Variants in SCHIP1 observed in about 807,000 individuals in gnomAD.
SCHIP1 encodes the protein schwannomin-interacting protein 1.
SCHIP1 carries 8 observed loss-of-function variants against 29.7 expected under a neutral mutation model. That is an observed-to-expected ratio of 0.27 (90% CI 0.16 to 0.49). The LOEUF (loss-of-function observed/expected upper bound fraction) is 0.49. Ranked by LOEUF, SCHIP1 falls within the 20% of genes least tolerant of loss-of-function variation. The pLI is 0.99. For missense variants in SCHIP1, 193 were observed against 294.6 expected, an observed-to-expected ratio of 0.66 and a Z score of 2.52; for synonymous variants, 76 against 94.9, an observed-to-expected ratio of 0.80 and a Z score of 1.16.
chr3:159,848,422 A>G (rs941868709), intron 1 of SCHIP1, among the ~76,000 whole-genome samples: 1 of 152,212 alleles, frequency 6.6e-6, no homozygotes, highest in African/African-American at 2.4e-5. Context: ...ATCAGGCATT[A>G]CATTCAGCTC....
chr3:159,298,152 A>G, the SCHIP1 span, among the ~76,000 whole-genome samples: 1 of 152,206 alleles, frequency 6.6e-6, no homozygotes, highest in Non-Finnish European at 1.5e-5. Flanking sequence ...AGAAAAGACC[A>G]TTCTACAGCT....
the SCHIP1 span, among the ~76,000 whole-genome samples, chr3:159,559,232 G>T: frequency 7.9e-5 from 12 of 152,228 alleles, no homozygotes; most frequent in Admixed American, 3.3e-4. Flanking sequence ...GGCTGCTTGG[G>T]TCTCTAATTT....
chr3:159,405,880 CA>C, the SCHIP1 span, among the ~76,000 whole-genome samples: 11,260 of 75,142 alleles, frequency 0.15, 1,091 homozygotes, highest in African/African-American at 0.36. Flanking sequence ...GAGACTCTGT[CA>C]AAAAAAAAAA....
the SCHIP1 span, among the ~76,000 whole-genome samples, chr3:159,321,410 T>G: frequency 1.3e-5 from 2 of 152,238 alleles, no homozygotes; most frequent in Admixed American, 6.5e-5. Flanking sequence ...TAAATACTTC[T>G]GATATTCCAG....
At chr3:159,460,579 G>A in the SCHIP1 span, among the ~76,000 whole-genome samples, 1 of 152,186 alleles carries the variant, frequency 6.6e-6, no homozygotes, top group Non-Finnish European at 1.5e-5. Flanking sequence ...ATCTGGTAAG[G>A]TAATCAACAT....
the SCHIP1 span, among the ~76,000 whole-genome samples, chr3:159,342,834 G>C: frequency 5.3e-5 from 8 of 152,034 alleles, no homozygotes; most frequent in African/African-American, 1.9e-4. Flanking sequence ...ATAATTATTT[G>C]GGATGAAAAT....
At chr3:159,853,472 C>G in intron 1 of SCHIP1, 1 of 689,800 alleles carries the variant, frequency 1.4e-6, no homozygotes, top group South Asian at 1.5e-5. Flanking sequence ...GGGGGGAGAG[C>G]TCTTTTGTTT....
At chr3:159,458,046 T>C in the SCHIP1 span, among the ~76,000 whole-genome samples, 2 of 152,342 alleles carry the variant, frequency 1.3e-5, no homozygotes, top group South Asian at 4.1e-4. Flanking sequence ...CTTTTGAGAA[T>C]GTCTTCTGTG....
the SCHIP1 span, among the ~76,000 whole-genome samples, chr3:159,536,983 A>G: frequency 6.6e-6 from 1 of 152,130 alleles, no homozygotes. Context: ...TCCCAACTCC[A>G]TGTTTAATAA....
At chr3:159,603,224 A>G in the SCHIP1 span, among the ~76,000 whole-genome samples, 1 of 152,230 alleles carries the variant, frequency 6.6e-6, no homozygotes, top group Admixed American at 6.5e-5. Context: ...GGGAAACGAC[A>G]CAGAGCTTCC....
chr3:159,589,694 G>A, the SCHIP1 span, among the ~76,000 whole-genome samples: 3 of 152,116 alleles, frequency 2.0e-5, no homozygotes, highest in Admixed American at 2.0e-4. Context: ...ACAGGCTTTG[G>A]CAGAAATTTC....
At chr3:159,574,988 C>T in the SCHIP1 span, among the ~76,000 whole-genome samples, 5 of 152,172 alleles carry the variant, frequency 3.3e-5, no homozygotes, top group African/African-American at 9.7e-5. Flanking sequence ...AGGAGTGTCC[C>T]GTTTTTCCAG....
chr3:159,385,979 AATG>A, the SCHIP1 span, among the ~76,000 whole-genome samples: 1 of 152,108 alleles, frequency 6.6e-6, no homozygotes. Context: ...GTTTGCTGAG[AATG>A]ATGGTTTCCA....
At chr3:159,345,772 G>A in the SCHIP1 span, among the ~76,000 whole-genome samples, 49 of 152,278 alleles carry the variant, frequency 3.2e-4, no homozygotes, top group African/African-American at 1.1e-3. Flanking sequence ...GTGCAGACAG[G>A]AAAGGGCTAA....
At chr3:159,446,613 C>T in the SCHIP1 span, among the ~76,000 whole-genome samples, 2 of 151,746 alleles carry the variant, frequency 1.3e-5, no homozygotes, top group Non-Finnish European at 2.9e-5. Flanking sequence ...TAAGGCAATA[C>T]CATATTGCCT....
chr3:159,541,617 G>A, the SCHIP1 span, among the ~76,000 whole-genome samples: 377 of 152,126 alleles, frequency 2.5e-3, 2 homozygotes, highest in African/African-American at 8.8e-3. Flanking sequence ...AGGAAGAGGA[G>A]GGAGACTGGA....
chr3:159,497,496 A>T, the SCHIP1 span, among the ~76,000 whole-genome samples: 2 of 152,004 alleles, frequency 1.3e-5, no homozygotes, highest in Non-Finnish European at 2.9e-5. Flanking sequence ...TTATTATCAC[A>T]TTACAAGGGA....
the SCHIP1 span, among the ~76,000 whole-genome samples, chr3:159,587,808 T>G: frequency 2.2e-4 from 34 of 152,334 alleles, no homozygotes; most frequent in African/African-American, 7.5e-4. Flanking sequence ...TCATCCTTTT[T>G]TATGGCTGCA....
the SCHIP1 span, among the ~76,000 whole-genome samples, chr3:159,827,766 C>T: frequency 6.6e-6 from 1 of 150,566 alleles, no homozygotes. Flanking sequence ...GATTGCGCCA[C>T]TGCAGTCCGC....
Sources: allele counts gnomAD v4.1 joint callset (sites outside exome capture counted in the v4.1 genomes callset), GRCh38; gene constraint gnomAD v4.1.1; transcripts MANE v1.5; gene names NCBI Gene and HGNC (gene_info 2026-07-23, HGNC 2026-07-21).